Variants in RMND1 observed in about 807,000 individuals in gnomAD.
The protein encoded by RMND1 is required for meiotic nuclear division protein 1 homolog.
A neutral mutation model predicts 54.0 loss-of-function variants in RMND1; 41 were observed. The ratio of observed to expected loss-of-function variants is 0.76; its 90% confidence interval spans 0.59 to 0.98. The LOEUF (loss-of-function observed/expected upper bound fraction) is 0.98. Among genes scored for constraint, RMND1 ranks in the 50% least tolerant of loss-of-function variants. RMND1 has a pLI of 0.00. For synonymous variants in RMND1, 183 were observed against 181.7 expected (o/e 1.01, Z -0.06); for missense variants, 457 against 532.0 (o/e 0.86, Z 1.39).
At chr6:151,447,449 CTG>C (rs953382108) in intron 1 of RMND1, among the ~76,000 whole-genome samples, 12 of 152,188 alleles carry the variant, frequency 7.9e-5, no homozygotes, top group Admixed American at 5.9e-4. Flanking sequence ...GATTAGGAAA[CTG>C]AGGTTTAAAG....
In RMND1 at chr6:151,405,841, G is replaced by C; in HGVS notation, c.1201-5C>G. On this transcript the variant is annotated splice_region_variant and splice_polypyrimidine_tract_variant and intron_variant, in intron 10 of 11. Transcript: ENST00000444024. The stretch of plus-strand genomic sequence containing the variant: ...CTGAAGTTTTTCATTCATGACCTAT[G>C]TAAGAAAAATTTCAGTAACATGTAT... 2 of 1,519,354 alleles carry C rather than the reference G, an allele frequency of 1.3e-6. No homozygotes were observed. The highest frequency in any genetic ancestry group is 1.8e-6 in the Non-Finnish European group (2 of 1,094,986). 94.1% of individuals were successfully genotyped at this position (1,519,354 alleles called of 1,614,324 possible).
At chr6:151,448,778 G>A (rs1011145639) in intron 1 of RMND1, among the ~76,000 whole-genome samples, 4 of 152,264 alleles carry the variant, frequency 2.6e-5, no homozygotes, top group South Asian at 2.1e-4. Flanking sequence ...GTGGCTTCAC[G>A]GTTCACTTAA....
At chr6:151,406,883 G>A (rs1779643652) in intron 10 of RMND1, among the ~76,000 whole-genome samples, 1 of 152,038 alleles carries the variant, frequency 6.6e-6, no homozygotes, top group Non-Finnish European at 1.5e-5. Flanking sequence ...TACTAGGCTG[G>A]GCTCGGTGGC....
At chr6:151,437,178 G>GGC (rs1469181265) in intron 2 of RMND1, among the ~76,000 whole-genome samples, 2 of 152,164 alleles carry the variant, frequency 1.3e-5, no homozygotes, top group Non-Finnish European at 2.9e-5. Flanking sequence ...TAAGCACTAT[G>GGC]GCTCAATGCT....
chr6:151,415,286 T>C (rs889441853), intron 10 of RMND1, among the ~76,000 whole-genome samples: 1 of 151,990 alleles, frequency 6.6e-6, no homozygotes, highest in Non-Finnish European at 1.5e-5. Flanking sequence ...GAATTCTTTT[T>C]TTTTTTCTGC....
chr6:151,444,178 C>T lies in RMND1; in HGVS notation c.504+1130G>A, dbSNP rs866130038. Among the ~76,000 whole-genome samples the T allele has an allele frequency of 1.4e-4, 22 of 152,344 alleles. 1 individual carries two copies. In the South Asian group the frequency reaches 4.3e-3, roughly 30 times the overall value. On this transcript the variant is annotated intron_variant, in intron 2 of 11. Coordinates refer to ENST00000444024, the MANE Select transcript of RMND1 (RefSeq NM_017909.4). ...AAACCTGATGCACTGTGCTGCTAGA[C>T]GTTACAAATGAACAAAGTGAGTTGA...
At chr6:151,420,730 T>A (rs1780129294) in intron 9 of RMND1, 1 of 152,240 alleles carries the variant, frequency 6.6e-6, no homozygotes, top group Admixed American at 6.5e-5. Context: ...CAAGAGGGAA[T>A]GTGATATAAT....
intron 9 of RMND1, among the ~76,000 whole-genome samples, chr6:151,419,573 G>T (rs1005667072): frequency 7.3e-5 from 11 of 151,224 alleles, no homozygotes; most frequent in Admixed American, 1.3e-4. Context: ...ACCCAGGAGG[G>T]TGAGGCAGGA....
At chr6:151,432,652 T>A (rs1780481202) in intron 4 of RMND1, among the ~76,000 whole-genome samples, 1 of 151,962 alleles carries the variant, frequency 6.6e-6, no homozygotes, top group South Asian at 2.1e-4. Context: ...TACTGTGGAG[T>A]ATTTAGTATT....
intron 9 of RMND1, among the ~76,000 whole-genome samples, chr6:151,417,851 C>T (rs1315671960): frequency 6.6e-6 from 1 of 151,636 alleles, no homozygotes; most frequent in Admixed American, 6.6e-5. Flanking sequence ...TCTTGTCACC[C>T]AGGCTGGAGT....
At chr6:151,407,939 A>G (rs1779685356) in intron 10 of RMND1, among the ~76,000 whole-genome samples, 1 of 152,028 alleles carries the variant, frequency 6.6e-6, no homozygotes, top group South Asian at 2.1e-4. Context: ...CTATTACCAC[A>G]GCATGCTTTC....
At chr6:151,451,821 T>A (rs546373531) in intron 1 of RMND1, among the ~76,000 whole-genome samples, 195 bp downstream of exon 1, 1 of 152,100 alleles carries the variant, frequency 6.6e-6, no homozygotes, top group African/African-American at 2.4e-5. Flanking sequence ...CGCGGTGCAC[T>A]GGCTCAAAAA....
intron 3 of RMND1, among the ~76,000 whole-genome samples, chr6:151,434,702 A>G (rs1285324615): frequency 6.6e-6 from 1 of 152,208 alleles, no homozygotes; most frequent in Non-Finnish European, 1.5e-5. Context: ...TGATATTTCA[A>G]CTATCTTCTA....
chr6:151,439,061 C>T (rs2114962514), intron 2 of RMND1, among the ~76,000 whole-genome samples: 1 of 152,256 alleles, frequency 6.6e-6, no homozygotes, highest in African/African-American at 2.4e-5. Flanking sequence ...TTGCAGTGAG[C>T]CAAAATTGCA....
chr6:151,422,885 A>G (rs1324461684), intron 7 of RMND1, among the ~76,000 whole-genome samples: 1 of 152,170 alleles, frequency 6.6e-6, no homozygotes, highest in African/African-American at 2.4e-5. Flanking sequence ...TGAGGAGGGT[A>G]GGGTACACCT....
intron 10 of RMND1, among the ~76,000 whole-genome samples, chr6:151,415,318 A>G (rs1779971402): frequency 6.6e-6 from 1 of 152,128 alleles, no homozygotes; most frequent in Non-Finnish European, 1.5e-5. Context: ...CATTAGGGAA[A>G]TAAAGATTCT....
At chr6:151,438,214 C>T (rs889841500) in intron 2 of RMND1, among the ~76,000 whole-genome samples, 5 of 152,190 alleles carry the variant, frequency 3.3e-5, no homozygotes, top group Non-Finnish European at 5.9e-5. Flanking sequence ...TGTAAAGATT[C>T]GGCCAGCTGA....
At position 151,445,503 on chromosome 6, in the gene RMND1, A is replaced by G. The variant is rs1278586604; in HGVS notation, c.309T>C (p.Thr103=). The G allele has an allele frequency of 6.2e-7, 1 of 1,614,168 alleles. No individual in the cohort carries two copies. The highest frequency in any genetic ancestry group is 8.5e-7 in the Non-Finnish European group (1 of 1,179,972). The part of the protein sequence containing the change: ...AHLPTMKSFG[T]HRRVTHKPNL... ...TTGGTTTGTGGGTCACTCTCCTGTGAGTACCAAAGGATTTCATGGTTGGAA... is the reference window on the plus strand; with the variant it reads ...TTGGTTTGTGGGTCACTCTCCTGTGGGTACCAAAGGATTTCATGGTTGGAA... Residue 103 remains threonine (T), a synonymous_variant, in exon 2 of 12, where the codon ACT becomes ACC. Coordinates refer to ENST00000444024, the MANE Select transcript of RMND1 (RefSeq NM_017909.4).
chr6:151,450,878 G>A (rs1237807718), intron 1 of RMND1, among the ~76,000 whole-genome samples: 1 of 152,148 alleles, frequency 6.6e-6, no homozygotes, highest in Non-Finnish European at 1.5e-5. Context: ...TCTGCCTTGG[G>A]ATCCTGCTAA....
Sources: gnomAD v4.1 joint callset for allele counts (sites outside exome capture counted in the v4.1 genomes callset) on GRCh38, gnomAD v4.1.1 for gene constraint, MANE v1.5 for transcripts, NCBI Gene and HGNC (gene_info 2026-07-23, HGNC 2026-07-21) for gene names.